CDH22: variants seen among roughly 807,000 people sequenced by gnomAD.
The protein encoded by CDH22 is cadherin-22.
CDH22 carries 30 observed loss-of-function variants against 58.4 expected under a neutral mutation model. The observed-to-expected ratio is 0.51, with a 90% CI of 0.38 to 0.70. The LOEUF (loss-of-function observed/expected upper bound fraction) is 0.70, where lower values mean the gene tolerates loss of function less well. CDH22 is among the 30% of genes least tolerant of loss of function. The pLI is 0.00. For missense variants in CDH22, 1,014 were observed against 1,233.9 expected (o/e 0.82, Z 2.67); for synonymous variants, 513 against 558.2 (o/e 0.92, Z 1.14).
intron 7 of CDH22, among the ~76,000 whole-genome samples, chr20:46,199,962 A>ATTTAT (rs374165948): frequency 0.012 from 995 of 82,854 alleles, 11 homozygotes; most frequent in African/African-American, 0.043. Flanking sequence ...TTTTTTGTTT[A>ATTTAT]TTTATTTTAT....
chr20:46,270,430 T>G (rs1410952834), intron 1 of CDH22, among the ~76,000 whole-genome samples: 3 of 152,110 alleles, frequency 2.0e-5, no homozygotes, highest in Non-Finnish European at 4.4e-5. Flanking sequence ...GGGCTTTTAC[T>G]TTATCCCCTC....
chr20:46,186,716 A>G lies in CDH22; in HGVS notation c.1546-11T>C, dbSNP rs1156820807. ...GATGGTCTGGATGAGCTGAAGGGTGAGGAGGGGATAGAGGGCTAGTGGTGA... is the reference window on the plus strand; with the variant it reads ...GATGGTCTGGATGAGCTGAAGGGTGGGGAGGGGATAGAGGGCTAGTGGTGA... On this transcript the variant is annotated splice_polypyrimidine_tract_variant and intron_variant, in intron 9 of 11. Transcript: ENST00000537909. 2 of 1,612,538 alleles carry G rather than the reference A, an allele frequency of 1.2e-6. No homozygotes were observed. The highest frequency in any genetic ancestry group is 1.3e-5 in the African/African-American group (1 of 74,992).
intron 11 of CDH22, among the ~76,000 whole-genome samples, chr20:46,175,589 C>T (rs1166198934): frequency 1.3e-5 from 2 of 152,192 alleles, no homozygotes; most frequent in Admixed American, 1.3e-4. Flanking sequence ...TGCAGGAACC[C>T]TTCCCTGAGA....
In CDH22 at chr20:46,292,916, T is replaced by TTGTGTGTGTG. The variant is rs74176860; in HGVS notation, c.-400+15329_-400+15338dup. ...CTTCTAGAAGAGCACCAGCCACTGG[T>TTGTGTGTGTG]TGTGTGTGTGTGTGTGTGTGTGTGT... On this transcript the variant is annotated intron_variant, in intron 1 of 11. Transcript: ENST00000537909. Among the ~76,000 whole-genome samples the TTGTGTGTGTG allele has an allele frequency of 2.5e-3, 360 of 143,918 alleles. 3 individuals are homozygous for TTGTGTGTGTG. Among genetic ancestry groups the TTGTGTGTGTG allele is most frequent in the African/African-American group, 6.6e-3 (256 of 38,838 alleles). The allele number at this position is 143,918 out of a possible 152,430, so 94.4% of individuals were successfully genotyped here.
intron 3 of CDH22, among the ~76,000 whole-genome samples, chr20:46,231,637 G>C (rs2086221150): frequency 6.6e-6 from 1 of 152,192 alleles, no homozygotes; most frequent in Non-Finnish European, 1.5e-5. Flanking sequence ...CATTGAGCCT[G>C]TTCTGAGACT....
chr20:46,295,289 G>T (rs958711323), intron 1 of CDH22, among the ~76,000 whole-genome samples: 2 of 152,152 alleles, frequency 1.3e-5, no homozygotes, highest in African/African-American at 4.8e-5. Flanking sequence ...TCAGAAAGAG[G>T]CCAACTTGAC....
intron 1 of CDH22, among the ~76,000 whole-genome samples, chr20:46,285,563 C>G (rs2086572673): frequency 1.3e-5 from 2 of 152,148 alleles, no homozygotes; most frequent in African/African-American, 2.4e-5. Flanking sequence ...AAATAATTAT[C>G]AAACCTAAGA....
intron 8 of CDH22, among the ~76,000 whole-genome samples, chr20:46,189,570 C>T (rs564959126): frequency 2.6e-5 from 4 of 152,250 alleles, no homozygotes; most frequent in African/African-American, 9.6e-5. Flanking sequence ...AGTGAGTGAT[C>T]CGCTCCTGGA....
intron 1 of CDH22, among the ~76,000 whole-genome samples, chr20:46,286,510 C>T (rs1002253273): frequency 8.5e-5 from 13 of 152,312 alleles, no homozygotes; most frequent in African/African-American, 3.1e-4. Flanking sequence ...GTTCCAGGAT[C>T]ATTATTAATA....
intron 10 of CDH22, among the ~76,000 whole-genome samples, chr20:46,179,077 C>T (rs1476644320): frequency 6.6e-6 from 1 of 152,240 alleles, no homozygotes; most frequent in Non-Finnish European, 1.5e-5. Context: ...GGTGGCACCC[C>T]CTTCTCCGCC....
chr20:46,290,788 A>AAG (rs376194315), intron 1 of CDH22, among the ~76,000 whole-genome samples: 8 of 151,596 alleles, frequency 5.3e-5, no homozygotes, highest in South Asian at 2.1e-4. Context: ...GAGCTGGTGA[A>AAG]AGAGAGAGAG....
intron 1 of CDH22, among the ~76,000 whole-genome samples, chr20:46,259,256 C>T (rs2086420530): frequency 1.3e-5 from 2 of 152,216 alleles, no homozygotes; most frequent in South Asian, 4.1e-4. Context: ...TTACAGTGCA[C>T]CTCACATGTA....
At chr20:46,261,795 C>A (rs533185282) in intron 1 of CDH22, among the ~76,000 whole-genome samples, 1 of 152,230 alleles carries the variant, frequency 6.6e-6, no homozygotes, top group East Asian at 1.9e-4. Context: ...CAGAATAGCT[C>A]CCGGTGTAAT....
chr20:46,202,758 A>G (rs2085971249), intron 7 of CDH22, among the ~76,000 whole-genome samples: 1 of 152,144 alleles, frequency 6.6e-6, no homozygotes, highest in African/African-American at 2.4e-5. Flanking sequence ...TGGCCCCATC[A>G]GATATCTGAG....
In CDH22 at chr20:46,251,010, A is replaced by G; in HGVS notation, c.255+30T>C. ...CCGTGGGTGTCCCCAGGGTCCTGGG[A>G]TCTGGAGTTGGAGTGGGGCCCCACT... On this transcript the variant is annotated intron_variant, in intron 2 of 11. Coordinates refer to ENST00000537909, the MANE Select transcript of CDH22 (RefSeq NM_021248.3). This position sits in a 1 kb window ranked among gnomAD's most constrained non-coding sequence, Gnocchi z 6.7. 7.2e-7 allele frequency: 1 copy of G among 1,392,070 alleles called. No homozygotes were observed. Among genetic ancestry groups the G allele is most frequent in the East Asian group, 2.4e-5 (1 of 42,272 alleles). 86.2% of individuals were successfully genotyped at this position (1,392,070 alleles called of 1,614,324 possible). A position where few individuals can be genotyped will look rare whatever the true frequency, so the allele number is the denominator to read the frequency against.
intron 1 of CDH22, among the ~76,000 whole-genome samples, chr20:46,264,859 ACACACACCGTGCG>A (rs928731333): frequency 6.7e-6 from 1 of 148,488 alleles, no homozygotes; most frequent in Non-Finnish European, 1.5e-5. Flanking sequence ...CCGTGCACAC[ACACACACCGTGCG>A]CACACACACA....
intron 1 of CDH22, among the ~76,000 whole-genome samples, chr20:46,255,475 C>T (rs187093563): frequency 6.6e-6 from 1 of 152,208 alleles, no homozygotes. Flanking sequence ...AACCCAGTGT[C>T]GGAGTCACAA....
chr20:46,248,868 G>C (rs1208210964), intron 2 of CDH22, among the ~76,000 whole-genome samples: 1 of 152,104 alleles, frequency 6.6e-6, no homozygotes, highest in Non-Finnish European at 1.5e-5. Context: ...AACTCACACA[G>C]GTTCAACTCT....
At chr20:46,252,941 G>A (rs1343830370) in intron 1 of CDH22, among the ~76,000 whole-genome samples, 3 of 152,212 alleles carry the variant, frequency 2.0e-5, no homozygotes, top group Non-Finnish European at 4.4e-5. Context: ...GGCGGCATCT[G>A]AGCAGATGGG....
Sources: gnomAD v4.1 joint callset for allele counts (sites outside exome capture counted in the v4.1 genomes callset) on GRCh38, gnomAD v4.1.1 for gene constraint, Gnocchi (gnomAD v3.1) non-coding constraint, MANE v1.5 for transcripts, NCBI Gene and HGNC (gene_info 2026-07-23, HGNC 2026-07-21) for gene names.